DCC: variants seen among roughly 807,000 people sequenced by gnomAD.
DCC encodes the protein DCC netrin 1 receptor, also known as netrin receptor DCC.
Under a neutral mutation model 172.5 loss-of-function variants are expected in DCC, and 58 were observed. The ratio of observed to expected loss-of-function variants is 0.34; its 90% CI spans 0.27 to 0.42. The LOEUF (loss-of-function observed/expected upper bound fraction) is 0.42. Ranked by LOEUF, DCC falls within the 10% of genes least tolerant of loss-of-function variation. The probability of loss-of-function intolerance (pLI) is 1.00; values close to 1 mark genes in which losing one functional copy is unlikely to be tolerated. For synonymous variants in DCC, 709 were observed against 644.5 expected (o/e 1.10, Z -1.52); for missense variants, 1,740 against 1,791.0 (o/e 0.97, Z 0.51).
chr18:52,354,940 G>T (rs904152446), intron 1 of DCC, among the ~76,000 whole-genome samples: 1 of 152,098 alleles, frequency 6.6e-6, no homozygotes, highest in Non-Finnish European at 1.5e-5. Flanking sequence ...AGGAAATTCT[G>T]CAAATAGCAA....
At chr18:53,467,053 A>G (rs774161769) in intron 24 of DCC, among the ~76,000 whole-genome samples, 45 of 152,198 alleles carry the variant, frequency 3.0e-4, no homozygotes, top group Non-Finnish European at 2.8e-4. Context: ...TACCCAAAAT[A>G]GTAAAACATA....
intron 1 of DCC, among the ~76,000 whole-genome samples, chr18:52,451,318 A>G (rs1281602838): frequency 1.3e-5 from 2 of 152,200 alleles, no homozygotes; most frequent in Admixed American, 1.3e-4. Flanking sequence ...TAGAAGCAGA[A>G]AGTTAGAAAG....
chr18:52,438,900 G>T (rs757681908), intron 1 of DCC, among the ~76,000 whole-genome samples: 6 of 152,106 alleles, frequency 3.9e-5, no homozygotes, highest in Non-Finnish European at 8.8e-5. Context: ...GAATTGAAGG[G>T]ACCAGCAATT....
intron 5 of DCC, among the ~76,000 whole-genome samples, chr18:52,986,817 CACACACACACATATACAT>C (rs1002589307): frequency 7.5e-6 from 1 of 133,246 alleles, no homozygotes; most frequent in African/African-American, 3.0e-5. Flanking sequence ...TATATATATA[CACACACACACATATACAT>C]ACACACACAC....
chr18:52,718,971 G>C (rs1465838698), intron 1 of DCC, among the ~76,000 whole-genome samples: 43 of 152,158 alleles, frequency 2.8e-4, no homozygotes, highest in Admixed American at 2.7e-3. Context: ...GTGAAATCAA[G>C]ATGTCAGCAG....
chr18:52,381,620 C>G (rs1985587508), intron 1 of DCC, among the ~76,000 whole-genome samples: 1 of 152,070 alleles, frequency 6.6e-6, no homozygotes, highest in African/African-American at 2.4e-5. Flanking sequence ...CTTCCTGTGT[C>G]CCACCACTGA....
rs75120235 is a variant in DCC at position 52,680,708 on chromosome 18, A to G, written c.92-71346A>G. The stretch of plus-strand genomic sequence containing the variant: ...AATGAATGAGTGAGTAGACTTGCAA[A>G]TCATGTCATTTAGGTGGCTGCCTTC... On this transcript the variant is annotated intron_variant, in intron 1 of 28. Coordinates refer to ENST00000442544, the MANE Select transcript of DCC (RefSeq NM_005215.4). Among the ~76,000 whole-genome samples, 8 of 152,214 alleles carry G rather than the reference A, an allele frequency of 5.3e-5. No individual in the cohort carries two copies. In the East Asian group the frequency reaches 1.4e-3, roughly 26 times the overall value.
chr18:53,144,187 A>G (rs759846646), intron 7 of DCC, among the ~76,000 whole-genome samples: 15 of 152,192 alleles, frequency 9.9e-5, no homozygotes, highest in South Asian at 2.1e-4. Context: ...ATTGTCATTC[A>G]TATTTCCATC....
chr18:53,535,104 G>C lies in DCC; in HGVS notation c.*4451G>C, dbSNP rs1488475424. 6.8e-6 allele frequency: 1 copy of C among 147,034 alleles called. No individual in the cohort carries two copies. The highest frequency in any genetic ancestry group is 1.5e-5 in the Non-Finnish European group (1 of 66,754). The allele number at this position is 147,034 out of a possible 1,614,324, so 9.1% of individuals were successfully genotyped here. ...AGAAATGCTGTTTTTTATTATTGTAGGGTAAATCTGACAATTCTGAACTTT... is the reference window on the plus strand; with the variant it reads ...AGAAATGCTGTTTTTTATTATTGTACGGTAAATCTGACAATTCTGAACTTT... On this transcript the variant is annotated 3_prime_UTR_variant, in exon 29 of 29. Coordinates refer to ENST00000442544, the MANE Select transcript of DCC (RefSeq NM_005215.4).
At chr18:53,199,136 C>T (rs1484446051) in intron 9 of DCC, among the ~76,000 whole-genome samples, 1 of 150,138 alleles carries the variant, frequency 6.7e-6, no homozygotes, top group African/African-American at 2.5e-5. Flanking sequence ...AGTGCAGCGG[C>T]ACAATCTTGC....
At chr18:52,664,438 G>A (rs908781159) in intron 1 of DCC, among the ~76,000 whole-genome samples, 1 of 149,930 alleles carries the variant, frequency 6.7e-6, no homozygotes, top group South Asian at 2.1e-4. Context: ...AATCAGTTCA[G>A]TGGCCCCAAA....
At chr18:52,948,013 C>A (rs2040576061) in intron 5 of DCC, among the ~76,000 whole-genome samples, 2 of 152,100 alleles carry the variant, frequency 1.3e-5, no homozygotes, top group Non-Finnish European at 2.9e-5. Context: ...AATACATTAT[C>A]ATGAACAAAA....
At chr18:52,525,279 G>A (rs962406351) in intron 1 of DCC, among the ~76,000 whole-genome samples, 9 of 152,030 alleles carry the variant, frequency 5.9e-5, no homozygotes, top group African/African-American at 1.9e-4. Flanking sequence ...GTTGCTTTAC[G>A]TTTGTTAGTA....
chr18:52,936,584 A>G lies in DCC; in HGVS notation c.985+11214A>G, dbSNP rs1451019287. 8.3e-5 allele frequency among the ~76,000 whole-genome samples: 5 copies of G among 60,134 alleles called. 2 individuals are homozygous for G. The highest frequency in any genetic ancestry group is 2.4e-4 in the Non-Finnish European group (5 of 20,620). The allele number at this position is 60,134 out of a possible 152,430, so 39.5% of individuals were successfully genotyped here. ...GGCCCCCGAGGGAAAAGCAAAGTCT[A>G]TGTACTAATACAGACCATTAAAAAG... On this transcript the variant is annotated intron_variant, in intron 5 of 28. Transcript: ENST00000442544.
intron 1 of DCC, among the ~76,000 whole-genome samples, chr18:52,686,253 A>G (rs2035832919): frequency 6.6e-6 from 1 of 152,154 alleles, no homozygotes; most frequent in South Asian, 2.1e-4. Flanking sequence ...TATTCAGCCA[A>G]CTGGCCACAT....
chr18:52,659,671 A>G (rs2035319488), intron 1 of DCC, among the ~76,000 whole-genome samples: 1 of 152,224 alleles, frequency 6.6e-6, no homozygotes, highest in Admixed American at 6.5e-5. Context: ...TGTTTCACTT[A>G]TGCTTTTACT....
At chr18:53,010,571 G>A (rs1013263175) in intron 5 of DCC, among the ~76,000 whole-genome samples, 1 of 150,878 alleles carries the variant, frequency 6.6e-6, no homozygotes, top group Non-Finnish European at 1.5e-5. Flanking sequence ...AAATATATAT[G>A]TACATAGGTG....
At position 53,098,856 on chromosome 18, in the gene DCC, A is replaced by T. The variant is rs113562415; in HGVS notation, c.1261+32690A>T. 9.4e-3 allele frequency among the ~76,000 whole-genome samples: 1,431 copies of T among 152,118 alleles called. 31 individuals carry two copies. Among genetic ancestry groups the T allele is most frequent in the African/African-American group, 0.032 (1,332 of 41,476 alleles). The stretch of plus-strand genomic sequence containing the variant: ...GACCCCATCCCTACAAAACGTTTTT[A>T]AAAATAAGCCCAGCTGTGGTGGTAT... On this transcript the variant is annotated intron_variant, in intron 7 of 28. Coordinates refer to ENST00000442544, the MANE Select transcript of DCC (RefSeq NM_005215.4).
intron 24 of DCC, among the ~76,000 whole-genome samples, chr18:53,467,212 A>G (rs1037732621): frequency 6.6e-6 from 1 of 152,092 alleles, no homozygotes; most frequent in Non-Finnish European, 1.5e-5. Flanking sequence ...GTGTCACAAT[A>G]TGGTTTTATA....
Sources: allele counts gnomAD v4.1 joint callset (sites outside exome capture counted in the v4.1 genomes callset), GRCh38; gene constraint gnomAD v4.1.1; transcripts MANE v1.5; gene names NCBI Gene and HGNC (gene_info 2026-07-23, HGNC 2026-07-21).